RBFOX1: variants seen among roughly 807,000 people sequenced by gnomAD.
RBFOX1 encodes RNA binding fox-1 homolog 1.
Under a neutral mutation model 57.7 loss-of-function variants are expected in RBFOX1, and 8 were observed. The observed-to-expected ratio is 0.14, with a 90% confidence interval of 0.08 to 0.25. RBFOX1 has a LOEUF of 0.25. Among genes scored for constraint, RBFOX1 ranks in the 10% least tolerant of loss-of-function variants. RBFOX1 has a pLI of 1.00. For synonymous variants in RBFOX1, 326 were observed against 222.4 expected, an observed-to-expected ratio of 1.47 and a Z score of -4.15; for missense variants, 611 against 548.5, an observed-to-expected ratio of 1.11 and a Z score of -1.14.
chr16:5,997,274 C>T (rs2060507420), intron 4 of RBFOX1, among the ~76,000 whole-genome samples: 1 of 152,206 alleles, frequency 6.6e-6, no homozygotes, highest in Non-Finnish European at 1.5e-5. Flanking sequence ...GAGCCTGGAC[C>T]TCTACAGTTA....
chr16:6,365,183 C>A (rs1468543608), intron 2 of RBFOX1, among the ~76,000 whole-genome samples: 1 of 152,148 alleles, frequency 6.6e-6, no homozygotes, highest in Non-Finnish European at 1.5e-5. Flanking sequence ...TGGTAGGGCC[C>A]TCTCTTCTTA....
intron 1 of RBFOX1, among the ~76,000 whole-genome samples, chr16:6,077,958 G>C (rs1000892796): frequency 6.6e-6 from 1 of 152,158 alleles, no homozygotes; most frequent in Admixed American, 6.5e-5. Flanking sequence ...CAGGAAATGA[G>C]TGAAGTCTCA....
chr16:7,029,739 C>T (rs2042308577), intron 3 of RBFOX1, among the ~76,000 whole-genome samples: 1 of 152,156 alleles, frequency 6.6e-6, no homozygotes, highest in Non-Finnish European at 1.5e-5. Context: ...GGTGTAACCA[C>T]TATTAATGGT....
chr16:5,938,256 CAAATT>C (rs533694311), intron 4 of RBFOX1, among the ~76,000 whole-genome samples: 110 of 152,266 alleles, frequency 7.2e-4, no homozygotes, highest in African/African-American at 2.5e-3. Context: ...TTTCTGGAAA[CAAATT>C]AAACTACTAA....
intron 3 of RBFOX1, among the ~76,000 whole-genome samples, chr16:6,744,993 G>C (rs1174964066): frequency 2.0e-5 from 3 of 151,960 alleles, no homozygotes; most frequent in African/African-American, 4.8e-5. Flanking sequence ...AGTATAGAAA[G>C]AGGAGGCATC....
chr16:7,036,625 G>A (rs1339269870), intron 3 of RBFOX1, among the ~76,000 whole-genome samples: 5 of 151,866 alleles, frequency 3.3e-5, no homozygotes, highest in Admixed American at 1.3e-4. Flanking sequence ...ACCGTAAGGC[G>A]GAGGTTGCAG....
intron 1 of RBFOX1, among the ~76,000 whole-genome samples, chr16:5,438,017 A>C (rs2067969389): frequency 6.6e-6 from 1 of 152,228 alleles, no homozygotes; most frequent in South Asian, 2.1e-4. Flanking sequence ...TTTGAGTAAA[A>C]GGGTTCAGAT....
intron 2 of RBFOX1, among the ~76,000 whole-genome samples, chr16:6,355,961 G>T (rs1407603371): frequency 6.6e-6 from 1 of 152,190 alleles, no homozygotes; most frequent in Admixed American, 6.5e-5. Flanking sequence ...CAAACTTAAA[G>T]AACTCCTAAT....
intron 1 of RBFOX1, among the ~76,000 whole-genome samples, chr16:6,285,355 G>A (rs750949163): frequency 3.9e-5 from 6 of 152,116 alleles, no homozygotes; most frequent in South Asian, 2.1e-4. Flanking sequence ...TTCTGAGGGC[G>A]TGTGAACTGA....
At position 6,613,003 on chromosome 16, in the gene RBFOX1, ATGTGTGTGTGTGTG is replaced by A. The variant is rs57236292; in HGVS notation, c.-63-41573_-63-41560del. On this transcript the variant is annotated intron_variant, in intron 2 of 15. Coordinates refer to ENST00000550418, the MANE Select transcript of RBFOX1 (RefSeq NM_018723.4). ...AGAGAAGGCAGGTGCCAGTCCCAGC[ATGTGTGTGTGTGTG>A]TGTGTGTGTGTGTGTGTGTGTGTGT... is the stretch of plus-strand genomic sequence containing the variant. Among the ~76,000 whole-genome samples the A allele has an allele frequency of 1.6e-3, 228 of 143,246 alleles. 1 individual carries two copies. Among genetic ancestry groups the A allele is most frequent in the Admixed American group, 2.5e-3 (36 of 14,246 alleles). 94.0% of individuals were successfully genotyped at this position (143,246 alleles called of 152,430 possible). A position where few individuals can be genotyped will look rare whatever the true frequency, so the allele number is the denominator to read the frequency against.
chr16:7,252,185 G>A (rs1208508930), intron 4 of RBFOX1, among the ~76,000 whole-genome samples: 1 of 152,188 alleles, frequency 6.6e-6, no homozygotes, highest in South Asian at 2.1e-4. Flanking sequence ...TCAAAAAGGA[G>A]GAAGGAGCTG....
At chr16:7,169,721 T>C (rs950700225) in intron 4 of RBFOX1, among the ~76,000 whole-genome samples, 7 of 152,306 alleles carry the variant, frequency 4.6e-5, no homozygotes, top group Admixed American at 2.6e-4. Context: ...CATATGATGA[T>C]ACAGAGCATT....
At chr16:5,611,239 C>G (rs537052159) in intron 3 of RBFOX1, 8 of 152,376 alleles carry the variant, frequency 5.3e-5, no homozygotes, top group African/African-American at 1.7e-4. Flanking sequence ...ACTCACCTGT[C>G]TGGGTTGGTT....
At chr16:7,037,113 G>A (rs953717084) in intron 3 of RBFOX1, among the ~76,000 whole-genome samples, 1 of 151,338 alleles carries the variant, frequency 6.6e-6, no homozygotes, top group Admixed American at 6.6e-5. Context: ...ACTGCAAACT[G>A]TTCTATCAGC....
At chr16:5,841,370 G>A (rs1414597708) in intron 3 of RBFOX1, among the ~76,000 whole-genome samples, 1 of 152,108 alleles carries the variant, frequency 6.6e-6, no homozygotes, top group African/African-American at 2.4e-5. Flanking sequence ...ACCCCAAACT[G>A]CCGATCATCC....
intron 1 of RBFOX1, among the ~76,000 whole-genome samples, chr16:5,373,244 T>C (rs2065903897): frequency 2.6e-5 from 4 of 152,154 alleles, no homozygotes. Flanking sequence ...CGGAAAGATA[T>C]GGACCCCAAT....
At chr16:6,249,776 T>TC (rs1016019841) in intron 1 of RBFOX1, among the ~76,000 whole-genome samples, 33 of 151,120 alleles carry the variant, frequency 2.2e-4, no homozygotes, top group African/African-American at 7.8e-4. Flanking sequence ...TTTTTTCTTT[T>TC]TTTTTTTTTT....
At chr16:6,564,269 A>T (rs370246041) in intron 2 of RBFOX1, among the ~76,000 whole-genome samples, 3 of 152,162 alleles carry the variant, frequency 2.0e-5, no homozygotes, top group African/African-American at 4.8e-5. Context: ...AACATGCTCT[A>T]TGGTTTTTAA....
At chr16:7,344,031 G>A (rs976376715) in intron 4 of RBFOX1, among the ~76,000 whole-genome samples, 1 of 150,926 alleles carries the variant, frequency 6.6e-6, no homozygotes, top group Non-Finnish European at 1.5e-5. Context: ...ATATAGGGAA[G>A]CCAATACCTT....
Sources: allele counts gnomAD v4.1 joint callset (sites outside exome capture counted in the v4.1 genomes callset), GRCh38; gene constraint gnomAD v4.1.1; transcripts MANE v1.5; gene names NCBI Gene and HGNC (gene_info 2026-07-23, HGNC 2026-07-21).